Variants in MADCAM1 observed in about 807,000 individuals in gnomAD.
MADCAM1 encodes mucosal addressin cell adhesion molecule 1.
Under a neutral mutation model 26.1 loss-of-function variants are expected in MADCAM1, and 19 were observed. The observed-to-expected ratio is 0.73, with a 90% CI of 0.51 to 1.07. The LOEUF (loss-of-function observed/expected upper bound fraction) is 1.07. MADCAM1 is among the 50% of genes least tolerant of loss of function. The pLI, the probability that MADCAM1 is intolerant of heterozygous loss-of-function variation, is 0.00. For missense variants in MADCAM1, 514 were observed against 542.1 expected (o/e 0.95, Z 0.51); for synonymous variants, 268 against 260.9 (o/e 1.03, Z -0.26).
chr19:499,137 C>T (rs1033341885), intron 3 of MADCAM1: 2 of 593,344 alleles, frequency 3.4e-6, no homozygotes, highest in African/African-American at 3.7e-5. Context: ...CTCCCTCCAC[C>T]CTTTCTCCCC....
At chr19:501,429 G>A (rs59963746) in intron 3 of MADCAM1, 24,509 of 364,058 alleles carry the variant, frequency 0.067, 2,929 homozygotes, top group African/African-American at 0.35. Context: ...AGGTTGTGGT[G>A]AGCCAAGATT....
intron 4 of MADCAM1, among the ~76,000 whole-genome samples, chr19:503,276 G>A (rs1296719434): frequency 7.6e-6 from 1 of 130,996 alleles, no homozygotes; most frequent in Non-Finnish European, 1.6e-5. Context: ...CACAGAGCGA[G>A]ACTCCATCTC....
At chr19:500,169 G>C (rs759931563) in intron 3 of MADCAM1, 1 of 456,122 alleles carries the variant, frequency 2.2e-6, no homozygotes, top group Non-Finnish European at 4.4e-6. Context: ...AACTCTCCTC[G>C]TCCACAGCCC....
intron 4 of MADCAM1, among the ~76,000 whole-genome samples, chr19:503,391 C>T (rs573843324): frequency 2.7e-4 from 41 of 150,906 alleles, no homozygotes; most frequent in African/African-American, 8.5e-4. Flanking sequence ...ACCATCCTGG[C>T]TAACACGGTG....
At chr19:501,276 G>A (rs1978322823) in intron 3 of MADCAM1, among the ~76,000 whole-genome samples, 2 of 151,268 alleles carry the variant, frequency 1.3e-5, no homozygotes, top group Non-Finnish European at 2.9e-5. Context: ...ACCTGAGGTT[G>A]GGAGTTCAAG....
chr19:499,555 AAC>A (rs963213437), intron 3 of MADCAM1, among the ~76,000 whole-genome samples: 42 of 152,002 alleles, frequency 2.8e-4, no homozygotes, highest in African/African-American at 9.9e-4. Flanking sequence ...CGCGTGTACA[AAC>A]ACGCACACGC....
At chr19:499,552 A>G (rs1410334389) in intron 3 of MADCAM1, among the ~76,000 whole-genome samples, 1 of 152,194 alleles carries the variant, frequency 6.6e-6, no homozygotes, top group African/African-American at 2.4e-5. Context: ...ACACGCGTGT[A>G]CAAACACGCA....
intron 4 of MADCAM1, among the ~76,000 whole-genome samples, chr19:502,332 C>T (rs1008022428): frequency 3.3e-5 from 5 of 151,726 alleles, no homozygotes; most frequent in African/African-American, 9.7e-5. Flanking sequence ...GACAGAGTCT[C>T]GCTCTGTCCC....
chr19:503,235 C>T (rs913349747), intron 4 of MADCAM1, among the ~76,000 whole-genome samples: 3 of 151,772 alleles, frequency 2.0e-5, no homozygotes, highest in Non-Finnish European at 2.9e-5. Flanking sequence ...TGCAGTGAGC[C>T]GAGATCGCGC....
In MADCAM1 at chr19:501,792, C is replaced by T. The variant is rs1197360806; in HGVS notation, c.791C>T (p.Pro264Leu). ...QEPPDTTSPE[P>L]PDKTSPEPAP... The stretch of plus-strand genomic sequence containing the variant: ...CCTCCCGACACCACCTCCCCGGAGC[C>T]TCCCGACAAGACCTCCCCGGAGCCC... The change falls in exon 4 of 5, where the codon CCT becomes CTT. Residue 264 changes from proline (P) to leucine (L), a missense_variant. Pro to Leu is a moderately conservative substitution (Grantham distance 98). Transcript: ENST00000215637. 2.6e-6 allele frequency: 4 copies of T among 1,567,194 alleles called. No homozygotes were observed. Among genetic ancestry groups the T allele is most frequent in the Non-Finnish European group, 1.7e-6 (2 of 1,156,620 alleles).
intron 4 of MADCAM1, among the ~76,000 whole-genome samples, chr19:502,578 A>C (rs901041632): frequency 6.6e-6 from 1 of 152,166 alleles, no homozygotes; most frequent in African/African-American, 2.4e-5. Context: ...CTGGGATTAC[A>C]GGTGTGAGCC....
Position 498,062 on chromosome 19 carries a change from C to T in MADCAM1, c.282C>T (p.Cys94=). 3 of 1,469,798 alleles carry T rather than the reference C, an allele frequency of 2.0e-6. No individual in the cohort carries two copies. The highest frequency in any genetic ancestry group is 2.7e-5 in the East Asian group (1 of 37,060). 91.0% of individuals were successfully genotyped at this position (1,469,798 alleles called of 1,614,324 possible). A position where few individuals can be genotyped will look rare whatever the true frequency, so the allele number is the denominator to read the frequency against. The stretch of plus-strand genomic sequence containing the variant: ...TGTCGGCGGCCGGGACCCGCGTGTG[C>T]GTGGGCTCCTGCGGGGGCCGCACCT... ...ASLSAAGTRV[C]VGSCGGRTFQ... Residue 94 remains cysteine, a synonymous_variant, in exon 2 of 5, where the codon TGC becomes TGT. Coordinates refer to ENST00000215637, the MANE Select transcript of MADCAM1 (RefSeq NM_130760.3).
chr19:498,306 C>A (rs911686178), intron 2 of MADCAM1, among the ~76,000 whole-genome samples, 189 bp downstream of exon 2: 51 of 152,258 alleles, frequency 3.3e-4, no homozygotes, highest in Middle Eastern at 3.4e-3. Flanking sequence ...GGCCCTGGCC[C>A]ATCCTCCTGT....
At chr19:504,351 C>T (rs1304003086) in intron 4 of MADCAM1, among the ~76,000 whole-genome samples, 1 of 150,976 alleles carries the variant, frequency 6.6e-6, no homozygotes, top group Non-Finnish European at 1.5e-5. Context: ...GCAACCTCCA[C>T]CTCCCGGGTT....
rs545503561 is a variant in MADCAM1, at chr19:503,398, G to A, written c.929-1347G>A. Reference sequence around the variant, plus strand: ...AGATCGAGACCATCCTGGCTAACACGGTGAAACCCCGTCTCCACTAAAAAT... The same window carrying A: ...AGATCGAGACCATCCTGGCTAACACAGTGAAACCCCGTCTCCACTAAAAAT... On this transcript the variant is annotated intron_variant, in intron 4 of 4. Coordinates refer to ENST00000215637, the MANE Select transcript of MADCAM1 (RefSeq NM_130760.3). 3.6e-3 allele frequency among the ~76,000 whole-genome samples: 551 copies of A among 151,600 alleles called. 3 individuals carry two copies. The highest frequency in any genetic ancestry group is 8.5e-3 in the East Asian group (43 of 5,074).
At chr19:498,155 G>A in intron 2 of MADCAM1, 38 bp downstream of exon 2, 2 of 1,303,092 alleles carry the variant, frequency 1.5e-6, no homozygotes, top group South Asian at 2.2e-5. Context: ...TCTGACCCTT[G>A]GACTCCCGGC....
At chr19:499,371 T>A in intron 3 of MADCAM1, 1 of 456,462 alleles carries the variant, frequency 2.2e-6, no homozygotes, top group Non-Finnish European at 4.4e-6. Flanking sequence ...GGTCAACCCC[T>A]GATCCCCAAC....
intron 3 of MADCAM1, chr19:499,784 A>T (rs1238642821): frequency 4.4e-6 from 2 of 456,410 alleles, no homozygotes; most frequent in Non-Finnish European, 8.8e-6. Context: ...GGATGAAGAC[A>T]TTTAATGTGG....
At chr19:497,516 C>G (rs1049369270) in intron 1 of MADCAM1, among the ~76,000 whole-genome samples, 63 of 134,124 alleles carry the variant, frequency 4.7e-4, no homozygotes, top group African/African-American at 1.8e-3. Context: ...GGTGATCCTG[C>G]CAGAGGAGGG....
Sources: gnomAD v4.1 joint callset for allele counts (sites outside exome capture counted in the v4.1 genomes callset) on GRCh38, gnomAD v4.1.1 for gene constraint, MANE v1.5 for transcripts, NCBI Gene and HGNC (gene_info 2026-07-23, HGNC 2026-07-21) for gene names.